LUZP1: variants seen among roughly 807,000 people sequenced by gnomAD.
The protein encoded by LUZP1 is filamin mechanobinding actin cross-linking protein.
Under a neutral mutation model 71.3 loss-of-function variants are expected in LUZP1, and 25 were observed. The ratio of observed to expected loss-of-function variants is 0.35; its 90% CI spans 0.26 to 0.49. LUZP1 has a LOEUF of 0.49. Among genes scored for constraint, LUZP1 ranks in the 20% least tolerant of loss-of-function variants. LUZP1 has a pLI of 0.99. For synonymous variants in LUZP1, 481 were observed against 506.4 expected (o/e 0.95, Z 0.67); for missense variants, 1,142 against 1,300.8 (o/e 0.88, Z 1.88).
chr1:23,085,128 T>C (rs931752237), exon 5 of LUZP1: 3 of 152,564 alleles, frequency 2.0e-5, no homozygotes, highest in Non-Finnish European at 4.4e-5. Flanking sequence ...GGTTCTGGCC[T>C]CCTTGGTCCC....
At chr1:23,104,508 T>C (rs1643963534) in intron 3 of LUZP1, among the ~76,000 whole-genome samples, 1 of 152,040 alleles carries the variant, frequency 6.6e-6, no homozygotes, top group African/African-American at 2.4e-5. Context: ...TTTTAATGCA[T>C]CTGTTCTCTG....
At chr1:23,091,052 A>G in intron 4 of LUZP1, 138 bp downstream of exon 3, 1 of 951,344 alleles carries the variant, frequency 1.1e-6, no homozygotes. Flanking sequence ...CTGATTTTTC[A>G]ACAGTTCTCT....
At chr1:23,116,323 T>A (rs888655037) in intron 2 of LUZP1, among the ~76,000 whole-genome samples, 6 of 152,224 alleles carry the variant, frequency 3.9e-5, no homozygotes, top group Admixed American at 3.9e-4. Flanking sequence ...GAGGCTGCAG[T>A]GAGTGGAGCC....
chr1:23,163,097 G>A (rs1421185553), intron 2 of LUZP1, among the ~76,000 whole-genome samples: 1 of 151,662 alleles, frequency 6.6e-6, no homozygotes, highest in Non-Finnish European at 1.5e-5. Context: ...AAAATTAGCT[G>A]GGTGTAGTGG....
At chr1:23,171,381 A>G (rs977104525) in intron 1 of LUZP1, among the ~76,000 whole-genome samples, 12 of 152,224 alleles carry the variant, frequency 7.9e-5, no homozygotes, top group African/African-American at 2.4e-5. Context: ...CATCTCTGCC[A>G]TTCAGCATGC....
chr1:23,120,399 T>C (rs1376831831), intron 2 of LUZP1, among the ~76,000 whole-genome samples: 1 of 151,486 alleles, frequency 6.6e-6, no homozygotes, highest in Non-Finnish European at 1.5e-5. Context: ...GGTCTCTCTG[T>C]CACCCAGGCA....
intron 2 of LUZP1, among the ~76,000 whole-genome samples, chr1:23,158,641 C>T: frequency 1.0e-5 from 1 of 98,266 alleles, no homozygotes; most frequent in South Asian, 3.2e-4. Flanking sequence ...GAGCAAGACT[C>T]TGTCTCAAAA....
intron 2 of LUZP1, among the ~76,000 whole-genome samples, chr1:23,118,226 A>T (rs1424787506): frequency 2.6e-5 from 4 of 151,130 alleles, no homozygotes; most frequent in South Asian, 2.1e-4. Context: ...ACATGGTGCA[A>T]CCCCATCTCT....
intron 4 of LUZP1, among the ~76,000 whole-genome samples, chr1:23,089,380 T>A (rs960979931): frequency 1.3e-5 from 2 of 151,966 alleles, no homozygotes; most frequent in Non-Finnish European, 2.9e-5. Context: ...GCCAGCAGTC[T>A]CCGAGTTCTG....
chr1:23,140,454 T>G (rs1015627719), intron 2 of LUZP1: 9 of 152,150 alleles, frequency 5.9e-5, no homozygotes, highest in African/African-American at 1.9e-4. Context: ...TCCTGGGAGC[T>G]GGTGGTGCTA....
At position 23,090,636 on chromosome 1, in the gene LUZP1, A is replaced by T. The variant is rs1238458136; in HGVS notation, c.3072+554T>A. 8 of 562,388 alleles carry T rather than the reference A, an allele frequency of 1.4e-5. No homozygotes were observed. In the East Asian group the frequency reaches 2.3e-4, roughly 16 times the overall value. 34.8% of individuals were successfully genotyped at this position (562,388 alleles called of 1,614,324 possible). On this transcript the variant is annotated intron_variant, in intron 4 of 4. Coordinates refer to ENST00000302291, the Ensembl canonical transcript of LUZP1. ...AGACAGCTGTCTGGGGGGCAAAAGAAAGTGTCACTTGGAATTGGGTATACG... is the reference window on the plus strand; with the variant it reads ...AGACAGCTGTCTGGGGGGCAAAAGATAGTGTCACTTGGAATTGGGTATACG...
At chr1:23,143,945 T>C (rs2124713804) in intron 2 of LUZP1, among the ~76,000 whole-genome samples, 2 of 152,318 alleles carry the variant, frequency 1.3e-5, no homozygotes, top group South Asian at 4.1e-4. Context: ...CTCTCTTCCA[T>C]TACAGTATAA....
At chr1:23,115,653 G>A (rs970773190) in intron 2 of LUZP1, among the ~76,000 whole-genome samples, 2 of 152,100 alleles carry the variant, frequency 1.3e-5, no homozygotes, top group African/African-American at 4.8e-5. Flanking sequence ...CGATTCTCCT[G>A]TCTCAGCCTC....
intron 1 of LUZP1, among the ~76,000 whole-genome samples, chr1:23,174,242 A>C (rs966725703): frequency 6.6e-6 from 1 of 152,128 alleles, no homozygotes; most frequent in African/African-American, 2.4e-5. Flanking sequence ...CCAATGTCCA[A>C]GGGCAGGAGA....
At chr1:23,119,925 G>T (rs1260134675) in intron 2 of LUZP1, among the ~76,000 whole-genome samples, 1 of 151,484 alleles carries the variant, frequency 6.6e-6, no homozygotes, top group Admixed American at 6.6e-5. Flanking sequence ...TCAAGTCCAG[G>T]TTTTGTTTTT....
intron 1 of LUZP1, among the ~76,000 whole-genome samples, chr1:23,174,387 T>C (rs560524343): frequency 3.0e-4 from 46 of 152,298 alleles, no homozygotes; most frequent in African/African-American, 1.0e-3. Context: ...CCCACCCACA[T>C]TGGTGGAGGC....
chr1:23,129,521 C>T (rs1031860029), intron 2 of LUZP1, among the ~76,000 whole-genome samples: 1 of 152,144 alleles, frequency 6.6e-6, no homozygotes, highest in African/African-American at 2.4e-5. Flanking sequence ...GCGGAGGTTG[C>T]GGTGAACCAA....
At chr1:23,153,101 A>G (rs1291055852) in intron 2 of LUZP1, among the ~76,000 whole-genome samples, 2 of 152,172 alleles carry the variant, frequency 1.3e-5, no homozygotes, top group Non-Finnish European at 1.5e-5. Context: ...TAAACCTTCA[A>G]TGATTCCCAA....
intron 1 of LUZP1, among the ~76,000 whole-genome samples, chr1:23,174,803 T>C (rs570949261): frequency 1.2e-4 from 18 of 152,308 alleles, no homozygotes; most frequent in Non-Finnish European, 2.1e-4. Context: ...CCAAGAATCA[T>C]AGAAAGTCAG....
Sources: gnomAD v4.1 joint callset for allele counts (sites outside exome capture counted in the v4.1 genomes callset) on GRCh38, gnomAD v4.1.1 for gene constraint, MANE v1.5 for transcripts, NCBI Gene and HGNC (gene_info 2026-07-23, HGNC 2026-07-21) for gene names.